FCRL5: variants seen among roughly 807,000 people sequenced by gnomAD.
FCRL5 encodes the protein Fc receptor like 5.
FCRL5 carries 79 observed loss-of-function variants against 92.1 expected under a neutral mutation model. The ratio of observed to expected loss-of-function variants is 0.86; its 90% CI spans 0.72 to 1.03. The LOEUF (loss-of-function observed/expected upper bound fraction) is 1.03. Among genes scored for constraint, FCRL5 ranks in the 50% least tolerant of loss-of-function variants. The pLI is 0.00. For synonymous variants in FCRL5, 466 were observed against 469.3 expected (o/e 0.99, Z 0.09); for missense variants, 1,160 against 1,181.1 (o/e 0.98, Z 0.26).
chr1:157,526,252 G>C, intron 9 of FCRL5, among the ~76,000 whole-genome samples: 1 of 152,336 alleles, frequency 6.6e-6, no homozygotes, highest in African/African-American at 2.4e-5. Context: ...GGAAGATGAG[G>C]ATTGAAAAAT....
In FCRL5 at chr1:157,527,685, T is replaced by C. The variant is rs1467459043; in HGVS notation, c.1892A>G (p.Asn631Ser). 6.2e-7 allele frequency: 1 copy of C among 1,614,212 alleles called. No homozygotes were observed. The part of the protein sequence containing the change: ...NLSLTAEHSG[N>S]YSCEANNGLV... ...GCCATTGTTGGCCTCACATGAGTAG[T>C]TTCCAGAATGTTCTGCAGTCAGAGA... Residue 631 changes from asparagine (N) to serine (S), a missense_variant, in exon 9 of 17, where the codon AAC (asparagine) becomes AGC (serine). Physicochemically the swap from Asn to Ser is conservative, Grantham distance 46. Transcript: ENST00000361835.
intron 8 of FCRL5, 119 bp downstream of exon 8, chr1:157,534,495 C>T (rs762324354): frequency 1.6e-6 from 2 of 1,242,492 alleles, no homozygotes; most frequent in Non-Finnish European, 2.3e-6. Context: ...GAGGAGGAAG[C>T]CAAGAAGGGG....
Position 157,524,516 on chromosome 1 carries a change from C to G in FCRL5, c.2002G>C (p.Ala668Pro). The change falls in exon 10 of 17, where the codon GCC becomes CCC. Residue 668 changes from alanine (A) to proline (P), a missense_variant. Coordinates refer to ENST00000361835, the MANE Select transcript of FCRL5 (RefSeq NM_031281.3). ...AGCAGGTCCCCCACCACAGCCTGGG[C>G]CCTGGGAGCCCTGAAGGTGAGGATG... Reference protein sequence around the residue: ...RPILTFRAPRAQAVVGDLLEL... With the variant: ...RPILTFRAPRPQAVVGDLLEL... 1 of 1,613,118 alleles carries G rather than the reference C, an allele frequency of 6.2e-7. No individual in the cohort carries two copies. The highest frequency in any genetic ancestry group is 8.5e-7 in the Non-Finnish European group (1 of 1,179,304).
At chr1:157,518,161 T>C (rs2873345) in intron 15 of FCRL5, among the ~76,000 whole-genome samples, 19,691 of 152,054 alleles carry the variant, frequency 0.13, 3,642 homozygotes, top group African/African-American at 0.42. Flanking sequence ...GATAGGGATA[T>C]GGAAGGTCTG....
chr1:157,514,206 C>G lies in FCRL5; in HGVS notation c.*1469G>C, dbSNP rs868472783. On this transcript the variant is annotated 3_prime_UTR_variant, in exon 17 of 17. Transcript: ENST00000361835. Reference sequence around the variant, plus strand: ...GTGGGGCTTAAAAGTCATCACTGTACAATCCACTGGGAGCAAAGATCAAGA... The same window carrying G: ...GTGGGGCTTAAAAGTCATCACTGTAGAATCCACTGGGAGCAAAGATCAAGA... 1 of 152,214 alleles carries G rather than the reference C, an allele frequency of 6.6e-6. No individual in the cohort carries two copies. Among genetic ancestry groups the G allele is most frequent in the African/African-American group, 2.4e-5 (1 of 41,464 alleles). The allele number at this position is 152,214 out of a possible 1,614,324, so 9.4% of individuals were successfully genotyped here. A position where few individuals can be genotyped will look rare whatever the true frequency, so the allele number is the denominator to read the frequency against.
intron 5 of FCRL5, among the ~76,000 whole-genome samples, chr1:157,543,873 C>G (rs1231864439): frequency 6.6e-6 from 1 of 152,042 alleles, no homozygotes; most frequent in Non-Finnish European, 1.5e-5. Flanking sequence ...GAAATTTTCA[C>G]TTTGGTTATT....
intron 8 of FCRL5, chr1:157,532,244 T>A (rs1385365685): frequency 1.3e-5 from 2 of 152,078 alleles, no homozygotes; most frequent in African/African-American, 4.8e-5. Context: ...TTGTCAGTCC[T>A]AACATCTATG....
chr1:157,534,027 T>A, intron 8 of FCRL5: 1 of 190,142 alleles, frequency 5.3e-6, no homozygotes, highest in East Asian at 1.3e-4. Context: ...ACACATACAA[T>A]TTGCACACGT....
At position 157,547,068 on chromosome 1, in the gene FCRL5, T is replaced by C; in HGVS notation, c.182A>G (p.Tyr61Cys). Residue 61 changes from tyrosine (Y) to cysteine (C), a missense_variant, in exon 3 of 17, where the codon TAC (tyrosine) becomes TGC (cysteine). By Grantham distance (194) the Tyr-to-Cys change is radical (BLOSUM62 -2). Coordinates refer to ENST00000361835, the MANE Select transcript of FCRL5 (RefSeq NM_031281.3). ...SPQKTKWYHR[Y>C]LGKEILRETP... ...TTCTCTTAGTATTTCTTTCCCAAGG[T>C]ACCGATGGTACCATTTTGTTTTCTG... 1 of 1,614,186 alleles carries C rather than the reference T, an allele frequency of 6.2e-7. No homozygotes were observed. The highest frequency in any genetic ancestry group is 2.2e-5 in the East Asian group (1 of 44,884).
At chr1:157,531,298 G>A (rs1389345209) in intron 8 of FCRL5, among the ~76,000 whole-genome samples, 1 of 152,190 alleles carries the variant, frequency 6.6e-6, no homozygotes, top group Non-Finnish European at 1.5e-5. Flanking sequence ...TAGAATGACT[G>A]TTATCAAAAA....
chr1:157,546,212 C>T, intron 3 of FCRL5: 2 of 451,022 alleles, frequency 4.4e-6, no homozygotes, highest in Non-Finnish European at 8.9e-6. Flanking sequence ...CTTTGAGAGG[C>T]CTAGGTGAGC....
rs577384419 is a variant in FCRL5 at position 157,551,907 on chromosome 1, C to T, written c.31+425G>A. Among the ~76,000 whole-genome samples, 18 of 152,202 alleles carry T rather than the reference C, an allele frequency of 1.2e-4. No homozygotes were observed. In the East Asian group the frequency reaches 2.9e-3, roughly 25 times the overall value. ...GTACAAGAGAAAGACCTGTCTTTCC[C>T]GTTAGAAACCTTGCCTCTTATGCTG... On this transcript the variant is annotated intron_variant, in intron 1 of 16. Coordinates refer to ENST00000361835, the MANE Select transcript of FCRL5 (RefSeq NM_031281.3).
intron 7 of FCRL5, among the ~76,000 whole-genome samples, chr1:157,536,426 G>C (rs546525257): frequency 6.4e-4 from 98 of 152,274 alleles, no homozygotes; most frequent in Middle Eastern, 3.4e-3. Flanking sequence ...CTAGACTGGG[G>C]GTTCTGTCCA....
At position 157,552,251 on chromosome 1, in the gene FCRL5, C is replaced by T. The variant is rs1014336127; in HGVS notation, c.31+81G>A. The T allele has an allele frequency of 1.7e-5, 24 of 1,403,302 alleles. No individual in the cohort carries two copies. In the Middle Eastern group the frequency reaches 5.4e-4, roughly 32 times the overall value. The allele number at this position is 1,403,302 out of a possible 1,614,324, so 86.9% of individuals were successfully genotyped here. A position where few individuals can be genotyped will look rare whatever the true frequency, so the allele number is the denominator to read the frequency against. On this transcript the variant is annotated intron_variant, in intron 1 of 16. Transcript: ENST00000361835. ...GAGAGTCTCTCAGCAGGGGCTGAGC[C>T]CCAAGAAAGGACCAGGCCTGCGGTG...
At chr1:157,551,753 C>G (rs535422394) in intron 1 of FCRL5, among the ~76,000 whole-genome samples, 20 of 152,222 alleles carry the variant, frequency 1.3e-4, no homozygotes, top group Non-Finnish European at 2.5e-4. Context: ...TAGAGACTTA[C>G]GTACACCCAC....
intron 3 of FCRL5, chr1:157,546,400 A>G (rs1651537505): frequency 5.8e-6 from 2 of 346,444 alleles, no homozygotes; most frequent in African/African-American, 4.3e-5. Flanking sequence ...GTGAGCCGAG[A>G]TAACGCCACT....
chr1:157,514,242 T>C lies in FCRL5; in HGVS notation c.*1433A>G, dbSNP rs1558123073. On this transcript the variant is annotated 3_prime_UTR_variant, in exon 17 of 17. Transcript: ENST00000361835. ...GAGCAAAGATCAAGATAAGATGTGA[T>C]GGATATCATAAAAGCGGAACAGAAC... The C allele has an allele frequency of 6.6e-6, 1 of 152,256 alleles. No individual in the cohort carries two copies. Among genetic ancestry groups the C allele is most frequent in the Admixed American group, 6.5e-5 (1 of 15,288 alleles). The allele number at this position is 152,256 out of a possible 1,614,324, so 9.4% of individuals were successfully genotyped here.
At position 157,543,089 on chromosome 1, in the gene FCRL5, T is replaced by C. The variant is rs773767121; in HGVS notation, c.893A>G (p.Asn298Ser). The C allele has an allele frequency of 6.2e-7, 1 of 1,614,218 alleles. No individual in the cohort carries two copies. Among genetic ancestry groups the C allele is most frequent in the Non-Finnish European group, 8.5e-7 (1 of 1,180,032 alleles). The change falls in exon 6 of 17, where the codon AAT becomes AGT. Residue 298 changes from asparagine (N) to serine (S), a missense_variant. Transcript: ENST00000361835. ...AAGTGTCACCTTGGTTCCCTCAAAA[T>C]TCAGAGCCTTTTCAGGGCTGAGAGT... ...VLTLSPEKAL[N>S]FEGTKVTLHC...
Position 157,527,598 on chromosome 1 carries a change from G to T in FCRL5, c.1960+19C>A. 6.4e-7 allele frequency: 1 copy of T among 1,557,368 alleles called. No homozygotes were observed. Among genetic ancestry groups the T allele is most frequent in the Non-Finnish European group, 8.7e-7 (1 of 1,152,090 alleles). ...GAGATGGTCTTTTTATTTTTGTGCT[G>T]CTGGTTAGGTCAACTTACCTATAAC... On this transcript the variant is annotated intron_variant, in intron 9 of 16. Transcript: ENST00000361835.
Sources: allele counts gnomAD v4.1 joint callset (sites outside exome capture counted in the v4.1 genomes callset), GRCh38; gene constraint gnomAD v4.1.1; transcripts MANE v1.5; gene names NCBI Gene and HGNC (gene_info 2026-07-23, HGNC 2026-07-21).